Variants in RGMA observed in about 807,000 individuals in gnomAD.
The protein encoded by RGMA is repulsive guidance molecule BMP co-receptor a.
RGMA carries 10 observed loss-of-function variants against 23.2 expected under a neutral mutation model. The ratio of observed to expected loss-of-function variants is 0.43; its 90% CI spans 0.27 to 0.73. RGMA has a LOEUF of 0.73. RGMA is among the 30% of genes least tolerant of loss of function. RGMA has a pLI of 0.20. For synonymous variants in RGMA, 308 were observed against 279.3 expected, an observed-to-expected ratio of 1.10 and a Z score of -1.03; for missense variants, 547 against 630.5, an observed-to-expected ratio of 0.87 and a Z score of 1.42.
chr15:93,058,797 C>T lies in RGMA; in HGVS notation c.131-6290G>A, dbSNP rs560694799. 2.6e-5 allele frequency among the ~76,000 whole-genome samples: 4 copies of T among 152,212 alleles called. No individual in the cohort carries two copies. In the South Asian group the frequency reaches 8.3e-4, roughly 32 times the overall value. ...TCCACACGCTCCATACCGGGCAACA[C>T]GAAGGTGCTGCGGGGCCACAAAGAC... On this transcript the variant is annotated intron_variant, in intron 2 of 3. Coordinates refer to ENST00000329082, the MANE Select transcript of RGMA (RefSeq NM_020211.3).
At chr15:93,074,897 T>C (rs1428869711) in intron 1 of RGMA, among the ~76,000 whole-genome samples, 1 of 152,206 alleles carries the variant, frequency 6.6e-6, no homozygotes, top group East Asian at 1.9e-4. Context: ...GAGCTAGTTC[T>C]AGAGTCTCTC....
At chr15:93,060,850 C>T (rs538005384) in intron 2 of RGMA, among the ~76,000 whole-genome samples, 212 of 152,376 alleles carry the variant, frequency 1.4e-3, no homozygotes, top group Middle Eastern at 3.4e-3. Context: ...TGTGGATGCA[C>T]TGCGGCATCC....
chr15:93,054,475 G>C (rs1264245961), intron 2 of RGMA, among the ~76,000 whole-genome samples: 1 of 143,606 alleles, frequency 7.0e-6, no homozygotes, highest in Admixed American at 6.8e-5. Context: ...TACTGTTCTG[G>C]TGGTAGTGAA....
intron 1 of RGMA, among the ~76,000 whole-genome samples, chr15:93,082,153 T>A (rs1380932623): frequency 1.3e-5 from 2 of 152,250 alleles, no homozygotes. Flanking sequence ...TAGTTGCCAA[T>A]ATTCATTTTA....
chr15:93,074,844 C>T (rs554439121), intron 1 of RGMA, among the ~76,000 whole-genome samples: 1 of 152,222 alleles, frequency 6.6e-6, no homozygotes, highest in Non-Finnish European at 1.5e-5. Flanking sequence ...GACCAAGTGG[C>T]CTTTCCACTA....
intron 2 of RGMA, among the ~76,000 whole-genome samples, chr15:93,064,308 C>T (rs930129539): frequency 6.6e-6 from 1 of 152,260 alleles, no homozygotes; most frequent in African/African-American, 2.4e-5. Flanking sequence ...TGATTATAGG[C>T]AGACATAACT....
At chr15:93,060,102 C>G (rs892436092) in intron 2 of RGMA, among the ~76,000 whole-genome samples, 9 of 152,152 alleles carry the variant, frequency 5.9e-5, no homozygotes, top group Non-Finnish European at 1.2e-4. Context: ...CTTGATGGAT[C>G]CAGGACAGCC....
intron 2 of RGMA, among the ~76,000 whole-genome samples, chr15:93,064,318 T>C (rs1339957199): frequency 6.6e-6 from 1 of 152,238 alleles, no homozygotes; most frequent in Non-Finnish European, 1.5e-5. Context: ...CAGACATAAC[T>C]TTCCAGATGT....
At chr15:93,073,764 G>A (rs1177338533) in intron 1 of RGMA, 5 of 1,536,968 alleles carry the variant, frequency 3.3e-6, no homozygotes, top group African/African-American at 1.4e-5. Context: ...CATCCTGACT[G>A]GGTTTGGCCT....
rs537387130 is a variant in RGMA, at chr15:93,071,883, C to T, written c.130+1033G>A. On this transcript the variant is annotated intron_variant, in intron 2 of 3. Transcript: ENST00000329082. ...ATTTTTTCAAAAAGACACCTCTGAA[C>T]CCCGCAAACACAATGGAAACGGCTG... Among the ~76,000 whole-genome samples the T allele has an allele frequency of 1.2e-4, 19 of 152,326 alleles. No homozygotes were observed. The South Asian group carries it at 3.9e-3, about 32-fold the overall frequency.
intron 3 of RGMA, among the ~76,000 whole-genome samples, chr15:93,051,447 C>G (rs980821384): frequency 1.2e-4 from 18 of 152,244 alleles, no homozygotes; most frequent in Non-Finnish European, 2.6e-4. Flanking sequence ...GCCTTGCCCT[C>G]TGGCTAAGTC....
intron 1 of RGMA, chr15:93,074,019 T>C: frequency 7.2e-7 from 1 of 1,380,724 alleles, no homozygotes; most frequent in Non-Finnish European, 9.3e-7. Context: ...CTTATTTTTC[T>C]GGGAAAGAAA....
chr15:93,088,818 G>C, intron 1 of RGMA, 101 bp downstream of exon 1: 7 of 1,115,748 alleles, frequency 6.3e-6, no homozygotes, highest in Non-Finnish European at 8.9e-6. Context: ...GATGAGACGC[G>C]GGGCTAAGGA....
rs377172808 is a variant in RGMA at position 93,061,177 on chromosome 15, CAT to C, written c.131-8672_131-8671del. Among the ~76,000 whole-genome samples, 824 of 152,334 alleles carry C rather than the reference CAT, an allele frequency of 5.4e-3. 9 individuals carry two copies. The highest frequency in any genetic ancestry group is 0.019 in the African/African-American group (772 of 41,568). The stretch of plus-strand genomic sequence containing the variant: ...ATCAGGAGATTTACTTATTTTTTGA[CAT>C]AGAGTCACTCTGTCGCCCAGGCTGG... On this transcript the variant is annotated intron_variant, in intron 2 of 3. Transcript: ENST00000329082.
At chr15:93,064,919 C>T (rs1895090658) in intron 2 of RGMA, among the ~76,000 whole-genome samples, 1 of 152,112 alleles carries the variant, frequency 6.6e-6, no homozygotes, top group African/African-American at 2.4e-5. Flanking sequence ...AAGTCTATTT[C>T]TTGTTCCGCA....
At chr15:93,074,007 C>T in intron 1 of RGMA, 2 of 1,381,224 alleles carry the variant, frequency 1.4e-6, no homozygotes, top group Admixed American at 3.3e-5. Flanking sequence ...CTAACTCTGT[C>T]GCTTATTTTT....
At chr15:93,085,661 A>T (rs138528749) in intron 1 of RGMA, among the ~76,000 whole-genome samples, 30 of 152,322 alleles carry the variant, frequency 2.0e-4, no homozygotes, top group Non-Finnish European at 1.8e-4. Flanking sequence ...GTGACTTAAA[A>T]CTTTTTATAT....
At chr15:93,051,577 G>A (rs1353723821) in intron 3 of RGMA, among the ~76,000 whole-genome samples, 2 of 152,200 alleles carry the variant, frequency 1.3e-5, no homozygotes, top group Non-Finnish European at 2.9e-5. Context: ...CAGGACCTGA[G>A]TCCTGCTGCC....
Position 93,042,734 on chromosome 15 carries a change from C to T in RGMA, c.*2264G>A, listed in dbSNP as rs2054740264. ...TGGGCCTGAATTTCTTCCTGATTCA[C>T]TGGGTAGTTTGTACAGATGAAATGT... On this transcript the variant is annotated 3_prime_UTR_variant, in exon 4 of 4. Transcript: ENST00000329082. 1 of 152,244 alleles carries T rather than the reference C, an allele frequency of 6.6e-6. No homozygotes were observed. The highest frequency in any genetic ancestry group is 2.1e-4 in the South Asian group (1 of 4,834). The allele number at this position is 152,244 out of a possible 1,614,324, so 9.4% of individuals were successfully genotyped here.
Sources: gnomAD v4.1 joint callset for allele counts (sites outside exome capture counted in the v4.1 genomes callset) on GRCh38, gnomAD v4.1.1 for gene constraint, MANE v1.5 for transcripts, NCBI Gene and HGNC (gene_info 2026-07-23, HGNC 2026-07-21) for gene names.